Variants in UBE3D observed in about 807,000 individuals in gnomAD.
The protein encoded by UBE3D is E3 ubiquitin-protein ligase E3D.
Under a neutral mutation model 49.6 loss-of-function variants are expected in UBE3D, and 48 were observed. The ratio of observed to expected loss-of-function variants is 0.97; its 90% CI spans 0.77 to 1.23. UBE3D has a LOEUF of 1.23. UBE3D is among the 50% of genes most tolerant of loss of function. UBE3D has a pLI of 0.00. For synonymous variants in UBE3D, 189 were observed against 174.2 expected, an observed-to-expected ratio of 1.08 and a Z score of -0.67; for missense variants, 452 against 468.4, an observed-to-expected ratio of 0.96 and a Z score of 0.32.
intron 9 of UBE3D, among the ~76,000 whole-genome samples, chr6:82,931,965 G>C (rs1774189441): frequency 6.6e-6 from 1 of 152,070 alleles, no homozygotes; most frequent in African/African-American, 2.4e-5. Context: ...TGAATCATGG[G>C]GGTGATTACC....
chr6:82,890,674 G>C (rs1380187475), downstream of UBE3D, among the ~76,000 whole-genome samples: 1 of 152,160 alleles, frequency 6.6e-6, no homozygotes, highest in Non-Finnish European at 1.5e-5. Context: ...CAGAAAGAAG[G>C]CTGGCTTGGT....
intron 9 of UBE3D, among the ~76,000 whole-genome samples, chr6:82,906,526 T>C (rs915218840): frequency 5.3e-5 from 8 of 152,212 alleles, no homozygotes; most frequent in Non-Finnish European, 1.2e-4. Flanking sequence ...CCCTCACTTA[T>C]GGTAAGACAG....
chr6:82,957,843 C>A (rs528048515), intron 8 of UBE3D, among the ~76,000 whole-genome samples: 1 of 152,142 alleles, frequency 6.6e-6, no homozygotes, highest in Admixed American at 6.5e-5. Flanking sequence ...CTATTGTTAT[C>A]CCCATTCTAC....
At chr6:83,010,108 G>A (rs928045121) in intron 8 of UBE3D, among the ~76,000 whole-genome samples, 4 of 151,982 alleles carry the variant, frequency 2.6e-5, no homozygotes, top group African/African-American at 9.7e-5. Context: ...GTCTTTCCTT[G>A]TTCCAGTGAA....
At chr6:82,913,275 C>T (rs536474087) in intron 9 of UBE3D, among the ~76,000 whole-genome samples, 3 of 152,240 alleles carry the variant, frequency 2.0e-5, no homozygotes, top group South Asian at 2.1e-4. Context: ...GCAAGGTTGA[C>T]GTCCAATAAA....
chr6:82,965,822 C>T (rs1776876500), intron 8 of UBE3D, among the ~76,000 whole-genome samples: 1 of 151,994 alleles, frequency 6.6e-6, no homozygotes, highest in African/African-American at 2.4e-5. Context: ...CAGCTTCAAG[C>T]CATCATTCTC....
At chr6:82,898,893 T>C (rs551696781) in intron 9 of UBE3D, among the ~76,000 whole-genome samples, 1 of 152,220 alleles carries the variant, frequency 6.6e-6, no homozygotes, top group East Asian at 1.9e-4. Context: ...CATTCAATCG[T>C]TAATTATCTC....
intron 9 of UBE3D, among the ~76,000 whole-genome samples, chr6:82,897,590 C>A (rs1399291447): frequency 6.6e-6 from 1 of 152,060 alleles, no homozygotes; most frequent in Non-Finnish European, 1.5e-5. Context: ...GAGACTCCAT[C>A]TCAAAAATAA....
chr6:83,034,608 G>A (rs866372084), intron 5 of UBE3D, among the ~76,000 whole-genome samples: 9 of 152,034 alleles, frequency 5.9e-5, no homozygotes, highest in Admixed American at 1.3e-4. Flanking sequence ...CCCGTCTCAC[G>A]ATAGAGTTAT....
rs1033179344 is a variant in UBE3D, at chr6:82,948,871, C to T, written c.1149+8441G>A. Among the ~76,000 whole-genome samples, 15 of 147,026 alleles carry T rather than the reference C, an allele frequency of 1.0e-4. No homozygotes were observed. The South Asian group carries it at 3.1e-3, about 30-fold the overall frequency. ...AACTGGGTATAGAAGGAACATACCT[C>T]AACACAAAAAAAAGCCATATATGAT... On this transcript the variant is annotated intron_variant, in intron 9 of 9. Coordinates refer to ENST00000369747, the MANE Select transcript of UBE3D (RefSeq NM_198920.3).
At chr6:82,882,339 A>G in the UBE3D span, among the ~76,000 whole-genome samples, 1 of 152,202 alleles carries the variant, frequency 6.6e-6, no homozygotes, top group Non-Finnish European at 1.5e-5. Flanking sequence ...GGAATATAAA[A>G]AAGGAGAAAA....
chr6:83,022,562 C>G lies in UBE3D; in HGVS notation c.738-1G>C. ...GATCACGCTCTGGACAAACCAAGAC[C>G]TGTTTGAACAGAAATCAATTTTTAC... On this transcript the variant is annotated splice_acceptor_variant, in intron 6 of 9. Coordinates refer to ENST00000369747, the MANE Select transcript of UBE3D (RefSeq NM_198920.3). LOFTEE classifies it high-confidence loss of function. 12 of 1,563,552 alleles carry G rather than the reference C, an allele frequency of 7.7e-6. No homozygotes were observed. Among genetic ancestry groups the G allele is most frequent in the Non-Finnish European group, 9.5e-6 (11 of 1,161,300 alleles).
intron 9 of UBE3D, among the ~76,000 whole-genome samples, chr6:82,953,378 A>G (rs1775935737): frequency 6.6e-6 from 1 of 152,178 alleles, no homozygotes; most frequent in Non-Finnish European, 1.5e-5. Flanking sequence ...AGTTTTTCTC[A>G]TTTGTACAAA....
intron 9 of UBE3D, among the ~76,000 whole-genome samples, chr6:82,895,071 C>T (rs1308625412): frequency 2.0e-5 from 3 of 152,168 alleles, no homozygotes; most frequent in East Asian, 1.9e-4. Context: ...CAGCACTTTG[C>T]GAGGCCAAGG....
chr6:83,057,727 C>T (rs564623498), intron 2 of UBE3D, 99 bp downstream of exon 2: 5 of 1,203,054 alleles, frequency 4.2e-6, no homozygotes, highest in Non-Finnish European at 6.0e-6. Flanking sequence ...AGCTTCTCAA[C>T]CCCTTCACCT....
intron 9 of UBE3D, among the ~76,000 whole-genome samples, chr6:82,904,545 G>A (rs1771962742): frequency 6.6e-6 from 1 of 152,196 alleles, no homozygotes; most frequent in African/African-American, 2.4e-5. Flanking sequence ...GTGGGGATTA[G>A]TAATAAAGGA....
intron 8 of UBE3D, among the ~76,000 whole-genome samples, chr6:82,965,069 C>T (rs1776813949): frequency 6.6e-6 from 1 of 152,128 alleles, no homozygotes; most frequent in Non-Finnish European, 1.5e-5. Flanking sequence ...GAATGCTATG[C>T]CTTTCAAACT....
Position 83,065,695 on chromosome 6 carries a change from C to T in UBE3D, c.24G>A (p.Thr8=). 2 of 1,611,884 alleles carry T rather than the reference C, an allele frequency of 1.2e-6. No homozygotes were observed. The highest frequency in any genetic ancestry group is 1.7e-6 in the Non-Finnish European group (2 of 1,179,248). Residue 8 remains threonine (T), a synonymous_variant, in exon 1 of 10, where the codon ACG becomes ACA. Transcript: ENST00000369747. MAASAAE[T]RVFLEVRGQL... ...GTCCCCGCACCTCCAGAAACACGCGCGTCTCCGCCGCAGAAGCCGCCATGG... is the reference window on the plus strand; with the variant it reads ...GTCCCCGCACCTCCAGAAACACGCGTGTCTCCGCCGCAGAAGCCGCCATGG...
intron 5 of UBE3D, among the ~76,000 whole-genome samples, chr6:83,033,361 A>C (rs1166113774): frequency 6.6e-6 from 1 of 152,044 alleles, no homozygotes; most frequent in East Asian, 1.9e-4. Context: ...ATTTTATGAG[A>C]TTTAAAGGAG....
Sources: gnomAD v4.1 joint callset for allele counts (sites outside exome capture counted in the v4.1 genomes callset) on GRCh38, gnomAD v4.1.1 for gene constraint, MANE v1.5 for transcripts, NCBI Gene and HGNC (gene_info 2026-07-23, HGNC 2026-07-21) for gene names.